Variants in ZNF875 observed in about 807,000 individuals in gnomAD.
The protein encoded by ZNF875 is zinc finger protein 875, also known as HKR1, GLI-Kruppel zinc finger family member.
In ZNF875, 14 loss-of-function variants were observed where a neutral mutation model predicts 11.2. The ratio of observed to expected loss-of-function variants is 1.26; its 90% CI spans 0.83 to 1.96. The LOEUF is 1.96. Ranked by LOEUF, ZNF875 falls within the 30% of genes most tolerant of loss-of-function variation. The pLI, the probability that ZNF875 is intolerant of heterozygous loss-of-function variation, is 0.00. For synonymous variants in ZNF875, 301 were observed against 281.1 expected (o/e 1.07, Z -0.71); for missense variants, 752 against 760.4 (o/e 0.99, Z 0.13).
intron 4 of ZNF875, among the ~76,000 whole-genome samples, chr19:37,329,400 T>C (rs536087838): frequency 5.9e-5 from 9 of 152,246 alleles, no homozygotes; most frequent in South Asian, 2.1e-4. Context: ...GGAGGGGAGA[T>C]GCTGTGTGCG....
At chr19:37,324,874 A>C (rs962651262) in intron 4 of ZNF875, 3 of 152,364 alleles carry the variant, frequency 2.0e-5, no homozygotes, top group African/African-American at 7.3e-5. Flanking sequence ...TTCCGGGTTC[A>C]CACCATTCTC....
At chr19:37,342,028 T>C (rs1312188886) in intron 2 of ZNF875, among the ~76,000 whole-genome samples, 1 of 152,196 alleles carries the variant, frequency 6.6e-6, no homozygotes, top group African/African-American at 2.4e-5. Context: ...ACTGCTCTAT[T>C]AAACAAAAGC....
At chr19:37,360,135 T>C (rs887375314) in intron 4 of ZNF875, among the ~76,000 whole-genome samples, 2 of 152,242 alleles carry the variant, frequency 1.3e-5, no homozygotes, top group African/African-American at 2.4e-5. Flanking sequence ...ATTCATTTTC[T>C]TGCATATGAA....
intron 4 of ZNF875, among the ~76,000 whole-genome samples, chr19:37,350,333 C>T (rs185100419): frequency 1.1e-4 from 17 of 151,808 alleles, no homozygotes; most frequent in Admixed American, 9.2e-4. Flanking sequence ...CCTCATGATC[C>T]GCCCACCTCA....
At chr19:37,331,322 T>C (rs930970894), upstream of ZNF875, among the ~76,000 whole-genome samples, 2 of 145,480 alleles carry the variant, frequency 1.4e-5, no homozygotes, top group Non-Finnish European at 3.0e-5. Flanking sequence ...TTCTGCCTCC[T>C]GGGTTCAAGT....
intron 2 of ZNF875, chr19:37,346,941 G>A (rs924904635): frequency 2.2e-5 from 8 of 369,150 alleles, no homozygotes; most frequent in African/African-American, 1.1e-4. Flanking sequence ...TCGGCTTACC[G>A]CAAGTAACTG....
chr19:37,353,761 T>G (rs757003219), intron 4 of ZNF875, among the ~76,000 whole-genome samples: 10 of 152,198 alleles, frequency 6.6e-5, no homozygotes, highest in Non-Finnish European at 1.2e-4. Context: ...AATTATTATA[T>G]TGTTCTTTTA....
intron 4 of ZNF875, among the ~76,000 whole-genome samples, chr19:37,348,789 G>A (rs953452653): frequency 7.2e-5 from 11 of 152,248 alleles, no homozygotes; most frequent in African/African-American, 2.6e-4. Flanking sequence ...CGTTTATCTA[G>A]GATATGTACC....
At chr19:37,357,170 C>T (rs896770884) in intron 4 of ZNF875, among the ~76,000 whole-genome samples, 11 of 152,088 alleles carry the variant, frequency 7.2e-5, no homozygotes, top group African/African-American at 2.2e-4. Context: ...TGTTCTGTTC[C>T]GTAGATCTAT....
chr19:37,357,812 C>T (rs531253388), intron 4 of ZNF875: 232 of 392,086 alleles, frequency 5.9e-4, no homozygotes, highest in Non-Finnish European at 8.3e-4. Flanking sequence ...GTAAAGGATT[C>T]TTGGCGAACA....
chr19:37,362,492 G>C lies in ZNF875; in HGVS notation c.640G>C (p.Val214Leu), dbSNP rs779299590. ...GGCAGATCTAGAGGAAACAGACAAA[G>C]TATTGCATGGTTTAGAAGTCTCAGG... ...RRADLEETDK[V>L]LHGLEVSGFG... The change falls in exon 5 of 5, where the codon GTA becomes CTA. Residue 214 changes from valine to leucine, a missense_variant. Physicochemically the swap from Val to Leu is conservative, Grantham distance 32. Transcript: ENST00000392153. The C allele has an allele frequency of 6.2e-7, 1 of 1,614,202 alleles. No individual in the cohort carries two copies. Among genetic ancestry groups the C allele is most frequent in the Admixed American group, 1.7e-5 (1 of 60,024 alleles).
chr19:37,337,017 A>G lies in ZNF875; in HGVS notation c.33+1760A>G, dbSNP rs144942449. 1.5e-3 allele frequency among the ~76,000 whole-genome samples: 221 copies of G among 152,346 alleles called. 1 individual carries two copies. The highest frequency in any genetic ancestry group is 2.4e-3 in the Non-Finnish European group (163 of 68,030). Reference sequence around the variant, plus strand: ...TGACCTGAATTTTACATTTGAGAGCACTTTCAGCTTCTGGCAATTGGGACA... The same window carrying G: ...TGACCTGAATTTTACATTTGAGAGCGCTTTCAGCTTCTGGCAATTGGGACA... On this transcript the variant is annotated intron_variant, in intron 2 of 4. Transcript: ENST00000392153.
At position 37,342,846 on chromosome 19, in the gene ZNF875, C is replaced by T. The variant is rs2036011170; in HGVS notation, c.34-4344C>T. 1.3e-5 allele frequency among the ~76,000 whole-genome samples: 2 copies of T among 152,194 alleles called. 1 individual carries two copies. The highest frequency in any genetic ancestry group is 2.9e-5 in the Non-Finnish European group (2 of 68,046). ...TATAATACTAGTTGCCTTGTTCAAG[C>T]TGCCATATCAGTTTCATCACTCCTT... On this transcript the variant is annotated intron_variant, in intron 2 of 4. Coordinates refer to ENST00000392153, the MANE Select transcript of ZNF875 (RefSeq NM_001353803.2).
chr19:37,349,787 G>A (rs191858678), intron 4 of ZNF875, among the ~76,000 whole-genome samples: 8 of 151,664 alleles, frequency 5.3e-5, no homozygotes, highest in African/African-American at 9.7e-5. Flanking sequence ...CCTGAATAGC[G>A]GGGACTACAG....
rs781382773 is a variant in ZNF875, at chr19:37,347,157, C to T, written c.34-33C>T. 5.6e-6 allele frequency: 9 copies of T among 1,613,180 alleles called. No individual in the cohort carries two copies. The Admixed American group carries it at 6.7e-5, about 12-fold the overall frequency. On this transcript the variant is annotated intron_variant, in intron 2 of 4. Coordinates refer to ENST00000392153, the MANE Select transcript of ZNF875 (RefSeq NM_001353803.2). ...AAAGTGTGGGAGGGAAAGACAGGCT[C>T]CTGGGTGAGCAGAGGTGTGTTTTGT...
chr19:37,359,517 C>T, intron 4 of ZNF875: 1 of 262,352 alleles, frequency 3.8e-6, no homozygotes, highest in South Asian at 3.2e-5. Flanking sequence ...AATTCCCCTG[C>T]CTCAGCCTCC....
upstream of ZNF875, among the ~76,000 whole-genome samples, chr19:37,314,086 A>G (rs2030077785): frequency 6.6e-6 from 1 of 152,036 alleles, no homozygotes; most frequent in Admixed American, 6.6e-5. Flanking sequence ...CACGAAGTGT[A>G]TGCTTTGTTT....
chr19:37,342,250 T>C (rs982223613), intron 2 of ZNF875, among the ~76,000 whole-genome samples: 5 of 152,184 alleles, frequency 3.3e-5, no homozygotes, highest in African/African-American at 9.7e-5. Flanking sequence ...AGACATGTGC[T>C]GGCTGGAGAG....
chr19:37,360,808 T>G (rs1452076920), intron 4 of ZNF875, among the ~76,000 whole-genome samples: 2 of 152,150 alleles, frequency 1.3e-5, no homozygotes, highest in Non-Finnish European at 2.9e-5. Flanking sequence ...AATTTTCAGT[T>G]TACAAACTTT....
Sources: allele counts gnomAD v4.1 joint callset (sites outside exome capture counted in the v4.1 genomes callset), GRCh38; gene constraint gnomAD v4.1.1; transcripts MANE v1.5; gene names NCBI Gene and HGNC (gene_info 2026-07-23, HGNC 2026-07-21).